NAV3: variants seen among roughly 807,000 people sequenced by gnomAD.
NAV3 encodes neuron navigator 3.
NAV3 carries 87 observed loss-of-function variants against 244.7 expected under a neutral mutation model. That is an observed-to-expected ratio of 0.36 (90% CI 0.30 to 0.42). The LOEUF (loss-of-function observed/expected upper bound fraction) is 0.42. NAV3 is among the 20% of genes least tolerant of loss of function. The probability of loss-of-function intolerance (pLI) is 1.00; values close to 1 mark genes in which losing one functional copy is unlikely to be tolerated. For missense variants in NAV3, 2,663 were observed against 2,893.3 expected, an observed-to-expected ratio of 0.92 and a Z score of 1.83; for synonymous variants, 1,126 against 1,042.2, an observed-to-expected ratio of 1.08 and a Z score of -1.55.
chr12:77,583,105 G>A (rs1869444216), intron 2 of NAV3, among the ~76,000 whole-genome samples: 1 of 152,174 alleles, frequency 6.6e-6, no homozygotes, highest in African/African-American at 2.4e-5. Flanking sequence ...GTACTCCTCA[G>A]AATGTATACA....
chr12:78,116,974 T>G, intron 13 of NAV3, 70 bp downstream of exon 13: 1 of 1,564,002 alleles, frequency 6.4e-7, no homozygotes, highest in Non-Finnish European at 8.8e-7. Context: ...TAATATTAGA[T>G]TAAGGTATAG....
At chr12:77,902,428 G>A (rs1392453733) in intron 1 of NAV3, among the ~76,000 whole-genome samples, 2 of 152,346 alleles carry the variant, frequency 1.3e-5, no homozygotes, top group Non-Finnish European at 1.5e-5. Context: ...TTTTCAGCAT[G>A]AAGTGTTGTT....
chr12:78,012,224 C>T (rs1191741385), intron 8 of NAV3, among the ~76,000 whole-genome samples: 1 of 152,144 alleles, frequency 6.6e-6, no homozygotes, highest in Non-Finnish European at 1.5e-5. Flanking sequence ...AACATACCCT[C>T]AATCAGACTT....
chr12:77,688,192 T>A (rs920161546), intron 2 of NAV3, among the ~76,000 whole-genome samples: 3 of 151,972 alleles, frequency 2.0e-5, no homozygotes, highest in Admixed American at 6.6e-5. Flanking sequence ...TAAAAAAAAA[T>A]TTAAAATTTG....
chr12:77,941,188 A>G lies in NAV3; in HGVS notation c.414+55A>G, dbSNP rs1412220236. 2.8e-6 allele frequency: 3 copies of G among 1,082,392 alleles called. No individual in the cohort carries two copies. In the African/African-American group the frequency reaches 4.8e-5, roughly 17 times the overall value. 67.0% of individuals were successfully genotyped at this position (1,082,392 alleles called of 1,614,324 possible). ...ATGCTGATCTTCACTTCCAGAATTA[A>G]TTGCATTTGTAAATGGATATTATTT... On this transcript the variant is annotated intron_variant, in intron 3 of 39. Transcript: ENST00000397909.
intron 22 of NAV3, among the ~76,000 whole-genome samples, chr12:78,151,962 C>T (rs1957096996): frequency 6.6e-6 from 1 of 151,284 alleles, no homozygotes; most frequent in Non-Finnish European, 1.5e-5. Context: ...CATAACGTAA[C>T]ATGCTTTTCC....
At chr12:78,157,260 A>G (rs1957341726) in intron 22 of NAV3, among the ~76,000 whole-genome samples, 1 of 152,042 alleles carries the variant, frequency 6.6e-6, no homozygotes, top group African/African-American at 2.4e-5. Context: ...TTGAAAAGGT[A>G]AAGTTCAGGT....
chr12:78,210,373 A>G (rs756057138), intron 39 of NAV3, 25 bp from the exon 40 acceptor site: 1 of 1,612,966 alleles, frequency 6.2e-7, no homozygotes, highest in South Asian at 1.1e-5. Flanking sequence ...CATTGCCTAC[A>G]TCGATGTCTT....
chr12:77,920,051 C>G (rs375177821), intron 1 of NAV3, among the ~76,000 whole-genome samples: 1 of 152,006 alleles, frequency 6.6e-6, no homozygotes, highest in African/African-American at 2.4e-5. Context: ...TGAAATATAG[C>G]ATGGTGTTAA....
At chr12:77,649,924 T>G (rs1051366158) in intron 2 of NAV3, among the ~76,000 whole-genome samples, 2 of 152,198 alleles carry the variant, frequency 1.3e-5, no homozygotes, top group Non-Finnish European at 2.9e-5. Context: ...CATGAATCAT[T>G]TAGCCAGAAT....
intron 10 of NAV3, 148 bp from the exon 11 acceptor site, chr12:78,050,616 C>T: frequency 1.2e-6 from 1 of 822,334 alleles, no homozygotes. Context: ...CACAATTTGA[C>T]CTCAAAATGA....
rs188288553 is a variant in NAV3, at chr12:77,758,054, C to A, written c.73-182265C>A. Among the ~76,000 whole-genome samples the A allele has an allele frequency of 2.7e-3, 406 of 152,284 alleles. 4 individuals are homozygous for A. The highest frequency in any genetic ancestry group is 9.2e-3 in the African/African-American group (383 of 41,564). ...TGATCCAAAATGCACAAAGCACACT[C>A]CAGGCTTGGTGTCTTGGCCACTGCT... On this transcript the variant is annotated intron_variant, in intron 2 of 8. Coordinates refer to the NAV3 transcript ENST00000550042.
At chr12:78,048,418 T>C (rs1287605546) in intron 9 of NAV3, among the ~76,000 whole-genome samples, 1 of 152,226 alleles carries the variant, frequency 6.6e-6, no homozygotes, top group Non-Finnish European at 1.5e-5. Flanking sequence ...GTCTTTTTTG[T>C]GGACATTGAT....
chr12:77,619,495 C>A (rs1305196014), intron 2 of NAV3, among the ~76,000 whole-genome samples: 1 of 152,170 alleles, frequency 6.6e-6, no homozygotes, highest in African/African-American at 2.4e-5. Context: ...TGTTAAAAAT[C>A]TAGCTGTGAC....
chr12:77,790,700 A>C (rs545562928), intron 2 of NAV3, among the ~76,000 whole-genome samples: 6 of 152,308 alleles, frequency 3.9e-5, no homozygotes, highest in African/African-American at 1.4e-4. Context: ...TCTGGCTCTG[A>C]GAACCTGGCC....
chr12:77,933,635 G>T (rs1358617935), intron 1 of NAV3, among the ~76,000 whole-genome samples: 1 of 152,126 alleles, frequency 6.6e-6, no homozygotes, highest in Non-Finnish European at 1.5e-5. Flanking sequence ...CTAGCTAGAT[G>T]GTGAATGTAT....
intron 1 of NAV3, among the ~76,000 whole-genome samples, chr12:77,928,332 G>GC (rs1467280351): frequency 1.3e-5 from 2 of 151,928 alleles, no homozygotes; most frequent in Admixed American, 6.6e-5. Flanking sequence ...AACACATATG[G>GC]CTTTAAATGA....
chr12:77,950,709 C>T (rs1006949749), intron 3 of NAV3: 1 of 152,112 alleles, frequency 6.6e-6, no homozygotes, highest in South Asian at 2.1e-4. Context: ...GGTACTGGTA[C>T]AAAAACAGAG....
chr12:78,155,730 T>G (rs1282887127), intron 22 of NAV3, among the ~76,000 whole-genome samples: 1 of 152,110 alleles, frequency 6.6e-6, no homozygotes, highest in South Asian at 2.1e-4. Context: ...TGGTATCTCA[T>G]TGTGGTTTTG....
Sources: allele counts gnomAD v4.1 joint callset (sites outside exome capture counted in the v4.1 genomes callset), GRCh38; gene constraint gnomAD v4.1.1; transcripts MANE v1.5; gene names NCBI Gene and HGNC (gene_info 2026-07-23, HGNC 2026-07-21).